NBEA: variants seen among roughly 807,000 people sequenced by gnomAD.
NBEA encodes neurobeachin, also known as lysosomal-trafficking regulator 2.
Under a neutral mutation model 343.4 loss-of-function variants are expected in NBEA, and 44 were observed. The observed-to-expected ratio is 0.13, with a 90% CI of 0.10 to 0.16. NBEA has a LOEUF of 0.16. Among genes scored for constraint, NBEA ranks in the 10% least tolerant of loss-of-function variants. The pLI, the probability that NBEA is intolerant of heterozygous loss-of-function variation, is 1.00. For missense variants in NBEA, 2,555 were observed against 3,631.3 expected, an observed-to-expected ratio of 0.70 and a Z score of 7.62; for synonymous variants, 1,175 against 1,238.7, an observed-to-expected ratio of 0.95 and a Z score of 1.08.
chr13:35,593,088 A>G (rs1045440236), intron 46 of NBEA: 2 of 388,992 alleles, frequency 5.1e-6, no homozygotes, highest in South Asian at 1.2e-4. Context: ...GAACCCCATC[A>G]TTTCACAGAT....
At chr13:35,156,272 T>C in intron 20 of NBEA, 66 bp downstream of exon 20, 1 of 1,393,210 alleles carries the variant, frequency 7.2e-7, no homozygotes, top group Non-Finnish European at 9.5e-7. Context: ...TTTTAGATTT[T>C]CAATTCATTT....
chr13:35,633,175 T>A (rs554372270), intron 49 of NBEA, among the ~76,000 whole-genome samples: 1 of 151,696 alleles, frequency 6.6e-6, no homozygotes, highest in East Asian at 2.0e-4. Flanking sequence ...CAATCTGGGC[T>A]CACTGCAAGC....
intron 55 of NBEA, among the ~76,000 whole-genome samples, chr13:35,656,164 C>T (rs1265489629): frequency 6.6e-6 from 1 of 152,222 alleles, no homozygotes; most frequent in Admixed American, 6.5e-5. Context: ...ACCATATATA[C>T]TGTAGTAAAT....
intron 2 of NBEA, 128 bp from the exon 3 acceptor site, chr13:35,044,819 T>C (rs1170583628): frequency 2.0e-5 from 9 of 452,448 alleles, no homozygotes; most frequent in Admixed American, 3.5e-5. Context: ...TAGATACATA[T>C]ATATATATAT....
intron 41 of NBEA, among the ~76,000 whole-genome samples, chr13:35,509,299 C>A (rs1041536581): frequency 1.3e-5 from 2 of 152,086 alleles, no homozygotes; most frequent in Non-Finnish European, 2.9e-5. Flanking sequence ...ACTTATAGAT[C>A]CTGGGCAGGG....
intron 1 of NBEA, among the ~76,000 whole-genome samples, chr13:34,981,376 A>G (rs1218892336): frequency 6.6e-6 from 1 of 152,134 alleles, no homozygotes; most frequent in Non-Finnish European, 1.5e-5. Flanking sequence ...CTTCATATGG[A>G]TATATATTTT....
rs1593273852 is a variant in NBEA at position 34,954,981 on chromosome 13, G to A, written c.294+11867G>A. Among the ~76,000 whole-genome samples, 9 of 152,166 alleles carry A rather than the reference G, an allele frequency of 5.9e-5. No homozygotes were observed. In the South Asian group the frequency reaches 1.7e-3, roughly 28 times the overall value. ...TAAAAAAAGTTTTCTGGATATTTGA[G>A]ACTGGTAAGGAGTCAGAGTGTTTTT... On this transcript the variant is annotated intron_variant, in intron 1 of 58. Coordinates refer to ENST00000379939, the MANE Select transcript of NBEA (RefSeq NM_001385012.1).
At chr13:35,077,793 C>G (rs750796065) in intron 10 of NBEA, among the ~76,000 whole-genome samples, 25 of 152,162 alleles carry the variant, frequency 1.6e-4, no homozygotes, top group Non-Finnish European at 3.4e-4. Flanking sequence ...GTCATGCTTA[C>G]TTATCTTCTC....
chr13:35,119,437 ACTC>A (rs1359736725), intron 16 of NBEA, among the ~76,000 whole-genome samples: 2 of 151,640 alleles, frequency 1.3e-5, no homozygotes, highest in African/African-American at 4.9e-5. Flanking sequence ...GACTTGAAGA[ACTC>A]CTTTTCAAAT....
intron 56 of NBEA, 60 bp from the exon 57 acceptor site, chr13:35,667,314 G>A: frequency 1.4e-6 from 2 of 1,413,130 alleles, no homozygotes; most frequent in Non-Finnish European, 2.0e-6. Flanking sequence ...AGGTTGGTGG[G>A]AGCTAGTATG....
At chr13:35,057,228 T>G (rs1296111187) in intron 7 of NBEA, among the ~76,000 whole-genome samples, 2 of 152,118 alleles carry the variant, frequency 1.3e-5, no homozygotes, top group African/African-American at 2.4e-5. Context: ...TTTGCATCTC[T>G]CTAGGCTTTC....
chr13:35,662,173 A>T (rs1414950618), intron 55 of NBEA, among the ~76,000 whole-genome samples: 1 of 152,234 alleles, frequency 6.6e-6, no homozygotes. Flanking sequence ...TGATAAAAGG[A>T]GGATGGAATT....
chr13:35,034,372 A>G (rs1186839266), intron 1 of NBEA, among the ~76,000 whole-genome samples: 1 of 151,874 alleles, frequency 6.6e-6, no homozygotes, highest in Non-Finnish European at 1.5e-5. Flanking sequence ...TTTGATCATG[A>G]TGGGTGATCT....
At chr13:35,610,899 C>T (rs1447838513) in intron 48 of NBEA, among the ~76,000 whole-genome samples, 1 of 151,882 alleles carries the variant, frequency 6.6e-6, no homozygotes. Context: ...GCAAAAGAAT[C>T]TTCAGCGAAG....
chr13:35,101,356 G>A (rs2065639278), intron 11 of NBEA, among the ~76,000 whole-genome samples: 1 of 151,826 alleles, frequency 6.6e-6, no homozygotes, highest in South Asian at 2.1e-4. Context: ...TGTTTTGTAT[G>A]TCTTTTTGAT....
At chr13:35,268,814 A>G (rs995218965) in intron 34 of NBEA, among the ~76,000 whole-genome samples, 4 of 152,128 alleles carry the variant, frequency 2.6e-5, no homozygotes, top group African/African-American at 7.2e-5. Context: ...AAGAAAAATC[A>G]CATCACTTGC....
chr13:35,029,567 C>T (rs1390255289), intron 1 of NBEA, among the ~76,000 whole-genome samples: 4 of 151,376 alleles, frequency 2.6e-5, no homozygotes, highest in Non-Finnish European at 5.9e-5. Flanking sequence ...AGAGTTTATC[C>T]AAAATAACAA....
At chr13:35,473,880 CAG>C (rs2075756099) in intron 41 of NBEA, among the ~76,000 whole-genome samples, 2 of 152,060 alleles carry the variant, frequency 1.3e-5, no homozygotes, top group South Asian at 4.1e-4. Context: ...CTGAATTAGT[CAG>C]ATTTTTAACT....
intron 1 of NBEA, among the ~76,000 whole-genome samples, chr13:34,977,436 G>C (rs541435651): frequency 1.8e-3 from 280 of 151,914 alleles, no homozygotes; most frequent in Admixed American, 2.8e-3. Flanking sequence ...AGCGTCTTGA[G>C]TAGCTGGGAC....
Sources: allele counts gnomAD v4.1 joint callset (sites outside exome capture counted in the v4.1 genomes callset), GRCh38; gene constraint gnomAD v4.1.1; transcripts MANE v1.5; gene names NCBI Gene and HGNC (gene_info 2026-07-23, HGNC 2026-07-21).